Variants in WDR72 observed in about 807,000 individuals in gnomAD.
WDR72 encodes WD repeat-containing protein 72.
Under a neutral mutation model 124.2 loss-of-function variants are expected in WDR72, and 120 were observed. The observed-to-expected ratio is 0.97, with a 90% CI of 0.83 to 1.12. The LOEUF (loss-of-function observed/expected upper bound fraction) is 1.12, where lower values mean the gene tolerates loss of function less well. Ranked by LOEUF, WDR72 falls within the 50% of genes most tolerant of loss-of-function variation. The probability of loss-of-function intolerance (pLI) is 0.00; values close to 1 mark genes in which losing one functional copy is unlikely to be tolerated. For missense variants in WDR72, 1,387 were observed against 1,278.8 expected (o/e 1.08, Z -1.29); for synonymous variants, 452 against 441.7 (o/e 1.02, Z -0.29).
At chr15:53,661,538 A>T (rs1278650879) in intron 14 of WDR72, among the ~76,000 whole-genome samples, 1 of 152,212 alleles carries the variant, frequency 6.6e-6, no homozygotes, top group Non-Finnish European at 1.5e-5. Flanking sequence ...AACAAATTTC[A>T]ACGTAAGGTT....
Position 53,609,442 on chromosome 15 carries a change from A to AG in WDR72, c.2952+70dup. 3.1e-6 allele frequency: 4 copies of AG among 1,307,860 alleles called. No homozygotes were observed. In the East Asian group the frequency reaches 7.0e-5, roughly 23 times the overall value. 81.0% of individuals were successfully genotyped at this position (1,307,860 alleles called of 1,614,324 possible). A position where few individuals can be genotyped will look rare whatever the true frequency, so the allele number is the denominator to read the frequency against. ...AGTAACTGCTTGTATTTTCAGATAG[A>AG]GGGGGGTATCCATGAACCACAGCAG... On this transcript the variant is annotated intron_variant, in intron 17 of 19. Transcript: ENST00000360509.
chr15:53,762,598 A>C (rs926970575), upstream of WDR72: 1 of 152,260 alleles, frequency 6.6e-6, no homozygotes, highest in African/African-American at 2.4e-5. Flanking sequence ...GCAGGTTCTT[A>C]TATCAAAGTT....
chr15:53,680,929 A>T (rs1476603189), intron 13 of WDR72, among the ~76,000 whole-genome samples: 1 of 152,192 alleles, frequency 6.6e-6, no homozygotes, highest in Non-Finnish European at 1.5e-5. Context: ...TCAGCAGGCA[A>T]CATTATTTGC....
intron 13 of WDR72, among the ~76,000 whole-genome samples, chr15:53,673,147 A>C (rs2016051502): frequency 6.6e-6 from 1 of 151,822 alleles, no homozygotes; most frequent in African/African-American, 2.4e-5. Flanking sequence ...AAAGAAAAGA[A>C]AAGAAACTTG....
At chr15:53,761,405 T>C (rs566214440), upstream of WDR72, among the ~76,000 whole-genome samples, 1 of 152,266 alleles carries the variant, frequency 6.6e-6, no homozygotes, top group African/African-American at 2.4e-5. Flanking sequence ...GGAGAACAGT[T>C]TGAAGCTTCC....
intron 14 of WDR72, among the ~76,000 whole-genome samples, chr15:53,660,031 ATTTTC>A (rs2015557084): frequency 6.6e-6 from 1 of 151,960 alleles, no homozygotes; most frequent in South Asian, 2.1e-4. Context: ...AAATCTATTT[ATTTTC>A]TTTTAAAATT....
intron 18 of WDR72, among the ~76,000 whole-genome samples, chr15:53,535,415 T>G (rs1051991038): frequency 2.6e-5 from 4 of 152,176 alleles, no homozygotes; most frequent in African/African-American, 9.7e-5. Flanking sequence ...CTTCTCTTCA[T>G]GAGTTTAAGA....
At chr15:53,583,735 TA>T (rs1012064577) in intron 18 of WDR72, among the ~76,000 whole-genome samples, 1 of 151,910 alleles carries the variant, frequency 6.6e-6, no homozygotes, top group Non-Finnish European at 1.5e-5. Flanking sequence ...GTATGTTATA[TA>T]AAAAATAAAT....
At chr15:53,597,417 C>A (rs2012830845) in intron 17 of WDR72, 143 bp from the exon 18 acceptor site, 1 of 789,926 alleles carries the variant, frequency 1.3e-6, no homozygotes, top group African/African-American at 1.7e-5. Context: ...TTAGCATCCA[C>A]AACAACTGAA....
At chr15:53,689,206 T>G (rs1296083154) in intron 13 of WDR72, among the ~76,000 whole-genome samples, 1 of 151,828 alleles carries the variant, frequency 6.6e-6, no homozygotes. Context: ...AAAGCCAAAA[T>G]TGACAAATGG....
chr15:53,762,275 C>A (rs896177081), upstream of WDR72, among the ~76,000 whole-genome samples: 1 of 152,196 alleles, frequency 6.6e-6, no homozygotes, highest in Non-Finnish European at 1.5e-5. Context: ...CTCCTCTCGC[C>A]TTCTGCATCC....
chr15:53,651,143 A>C (rs949714660), intron 14 of WDR72, among the ~76,000 whole-genome samples: 3 of 152,080 alleles, frequency 2.0e-5, no homozygotes, highest in Non-Finnish European at 4.4e-5. Flanking sequence ...CATTGTCTAC[A>C]TCAACCTCAT....
At chr15:53,754,966 A>G (rs1182168286) in intron 1 of WDR72, among the ~76,000 whole-genome samples, 1 of 152,226 alleles carries the variant, frequency 6.6e-6, no homozygotes, top group African/African-American at 2.4e-5. Flanking sequence ...GCAGAATTCA[A>G]TTGGCTATTT....
At chr15:53,527,967 T>C (rs986463125) in intron 18 of WDR72, among the ~76,000 whole-genome samples, 1 of 152,066 alleles carries the variant, frequency 6.6e-6, no homozygotes, top group Non-Finnish European at 1.5e-5. Context: ...AACTAAAAGA[T>C]AGCATTCTAG....
At chr15:53,674,968 G>A (rs971788653) in intron 13 of WDR72, among the ~76,000 whole-genome samples, 1 of 152,160 alleles carries the variant, frequency 6.6e-6, no homozygotes, top group Non-Finnish European at 1.5e-5. Flanking sequence ...TGAAACACCT[G>A]GAGGTTTAAA....
rs2017115292 is a variant in WDR72 at position 53,699,876 on chromosome 15, T to C, written c.1639A>G (p.Lys547Glu). ...TTCCGGGCATGCAGGAGGCAACTCTTTCCCTCAAGGTGAAGGAGAGCCACG... is the reference window on the plus strand; with the variant it reads ...TTCCGGGCATGCAGGAGGCAACTCTCTCCCTCAAGGTGAAGGAGAGCCACG... ...HSVALLHLEG[K>E]SCLLHARKHL... is the part of the protein sequence containing the mutation. The change falls in exon 13 of 20, where the codon AAG becomes GAG. Residue 547 changes from lysine to glutamate, a missense_variant. By Grantham distance (56) the Lys-to-Glu change is moderately conservative. Transcript: ENST00000360509. 3.7e-6 allele frequency: 6 copies of C among 1,614,190 alleles called. No individual in the cohort carries two copies. The highest frequency in any genetic ancestry group is 5.1e-6 in the Non-Finnish European group (6 of 1,180,024).
chr15:53,563,440 T>C (rs769169841), intron 18 of WDR72, among the ~76,000 whole-genome samples: 26 of 151,860 alleles, frequency 1.7e-4, no homozygotes, highest in Middle Eastern at 3.2e-3. Flanking sequence ...TGTTATAAAA[T>C]AGATATTTTT....
chr15:53,652,644 G>A (rs2140429779), intron 14 of WDR72, among the ~76,000 whole-genome samples: 1 of 152,250 alleles, frequency 6.6e-6, no homozygotes. Flanking sequence ...GGGAAGTAGA[G>A]GCTCCTGATA....
intron 14 of WDR72, among the ~76,000 whole-genome samples, chr15:53,627,802 G>C (rs1292674832): frequency 6.6e-6 from 1 of 152,046 alleles, no homozygotes; most frequent in Non-Finnish European, 1.5e-5. Flanking sequence ...TAAAAAATTA[G>C]TGCCTAATTG....
Sources: allele counts gnomAD v4.1 joint callset (sites outside exome capture counted in the v4.1 genomes callset), GRCh38; gene constraint gnomAD v4.1.1; transcripts MANE v1.5; gene names NCBI Gene and HGNC (gene_info 2026-07-23, HGNC 2026-07-21).